EPAS1: variants seen among roughly 807,000 people sequenced by gnomAD.
The protein encoded by EPAS1 is endothelial PAS domain-containing protein 1.
A neutral mutation model predicts 87.9 loss-of-function variants in EPAS1; 23 were observed. That is an observed-to-expected ratio of 0.26 (90% CI 0.19 to 0.37). The LOEUF is 0.37. EPAS1 is among the 10% of genes least tolerant of loss of function. The pLI, the probability that EPAS1 is intolerant of heterozygous loss-of-function variation, is 1.00. For missense variants in EPAS1, 1,138 were observed against 1,120.7 expected (o/e 1.02, Z -0.22); for synonymous variants, 508 against 444.3 (o/e 1.14, Z -1.80).
rs1341586804 is a variant in EPAS1, at chr2:46,300,863, C to T, written c.26+2926C>T. 1.3e-5 allele frequency among the ~76,000 whole-genome samples: 2 copies of T among 152,182 alleles called. No individual in the cohort carries two copies. The highest frequency in any genetic ancestry group is 2.9e-5 in the Non-Finnish European group (2 of 68,050). ...ACACCTGGATCTCCAATCTCCCCCTCCTTCTGACAGCTGGACTTAGTTGTT... is the reference window on the plus strand; with the variant it reads ...ACACCTGGATCTCCAATCTCCCCCTTCTTCTGACAGCTGGACTTAGTTGTT... On this transcript the variant is annotated intron_variant, in intron 1 of 15. Coordinates refer to ENST00000263734, the MANE Select transcript of EPAS1 (RefSeq NM_001430.5). The surrounding 1 kb of genome is among the most constrained non-coding windows in gnomAD (Gnocchi z 4.1).
intron 1 of EPAS1, among the ~76,000 whole-genome samples, chr2:46,324,539 A>G (rs1683516288): frequency 6.6e-6 from 1 of 152,228 alleles, no homozygotes; most frequent in South Asian, 2.1e-4. Flanking sequence ...GACTGGTTTA[A>G]GGCCATCTCT....
At chr2:46,361,373 G>T (rs1684384475) in intron 6 of EPAS1, among the ~76,000 whole-genome samples, 1 of 152,150 alleles carries the variant, frequency 6.6e-6, no homozygotes, top group African/African-American at 2.4e-5. Context: ...CTCCATACGT[G>T]TATCAGGCTC....
At chr2:46,328,516 C>T (rs1683610053) in intron 1 of EPAS1, among the ~76,000 whole-genome samples, 1 of 152,198 alleles carries the variant, frequency 6.6e-6, no homozygotes, top group Non-Finnish European at 1.5e-5. Context: ...CAGTGATGGC[C>T]TGGTTTGATG....
intron 1 of EPAS1, among the ~76,000 whole-genome samples, chr2:46,332,291 C>CGTGTGTGTGTGTGTGT (rs57893491): frequency 1.8e-5 from 2 of 110,800 alleles, no homozygotes; most frequent in Non-Finnish European, 3.9e-5. Flanking sequence ...AAAAAAAATA[C>CGTGTGTGTGTGTGTGT]GTGTGTGTGT....
In EPAS1 at chr2:46,375,645, C is replaced by G; in HGVS notation, c.887-45C>G. 1 of 1,601,268 alleles carries G rather than the reference C, an allele frequency of 6.2e-7. No homozygotes were observed. The highest frequency in any genetic ancestry group is 8.5e-7 in the Non-Finnish European group (1 of 1,173,396). On this transcript the variant is annotated intron_variant, in intron 7 of 15. Coordinates refer to ENST00000263734, the MANE Select transcript of EPAS1 (RefSeq NM_001430.5). The surrounding 1 kb of genome is among the most constrained non-coding windows in gnomAD (Gnocchi z 4.1). Reference sequence around the variant, plus strand: ...GATCTGCTGAGCCTGTGGTGCACACCCCTGCCCCACCTCCCTAAGCTCAGC... The same window carrying G: ...GATCTGCTGAGCCTGTGGTGCACACGCCTGCCCCACCTCCCTAAGCTCAGC...
intron 2 of EPAS1, 37 bp from the exon 3 acceptor site, chr2:46,356,114 C>G: frequency 6.6e-7 from 1 of 1,516,724 alleles, no homozygotes; most frequent in Non-Finnish European, 9.1e-7. Context: ...TTTCACTCCA[C>G]ATTCATGCAA....
intron 7 of EPAS1, among the ~76,000 whole-genome samples, chr2:46,372,806 A>G (rs1684654035): frequency 6.6e-6 from 1 of 152,270 alleles, no homozygotes; most frequent in African/African-American, 2.4e-5. Flanking sequence ...AAAAAGAGTA[A>G]GAGCCCTGAA....
intron 1 of EPAS1, among the ~76,000 whole-genome samples, chr2:46,317,321 T>A (rs904691536): frequency 6.6e-6 from 1 of 152,228 alleles, no homozygotes; most frequent in Admixed American, 6.5e-5. Context: ...ATGGCAGCTA[T>A]AGCCTTACAA....
chr2:46,356,867 T>C, intron 4 of EPAS1, 59 bp downstream of exon 4: 1 of 1,241,020 alleles, frequency 8.1e-7, no homozygotes, highest in Non-Finnish European at 1.2e-6. Context: ...CTGCCTCCCC[T>C]TTGTCTACGG....
chr2:46,312,491 T>C (rs887371821), intron 1 of EPAS1, among the ~76,000 whole-genome samples: 2 of 151,852 alleles, frequency 1.3e-5, no homozygotes, highest in African/African-American at 4.9e-5. Flanking sequence ...AAAATCACTT[T>C]TGCAACTATT....
intron 1 of EPAS1, among the ~76,000 whole-genome samples, chr2:46,322,993 A>C (rs116088026): frequency 0.013 from 1,995 of 152,344 alleles, 50 homozygotes; most frequent in African/African-American, 0.045. Context: ...ATTACCAAGG[A>C]ATCAATCTAT....
chr2:46,341,526 C>T (rs1302578022), intron 1 of EPAS1, among the ~76,000 whole-genome samples: 6 of 152,338 alleles, frequency 3.9e-5, no homozygotes, highest in African/African-American at 1.2e-4. Context: ...TCATTATTTT[C>T]ATCTCCCTCT....
intron 2 of EPAS1, among the ~76,000 whole-genome samples, chr2:46,351,342 C>G (rs1203175390): frequency 3.9e-5 from 6 of 152,186 alleles, no homozygotes; most frequent in Admixed American, 3.3e-4. Flanking sequence ...TAGTAAGATA[C>G]ATGCAAAGAA....
intron 1 of EPAS1, among the ~76,000 whole-genome samples, chr2:46,329,041 A>T (rs1178907799): frequency 1.3e-5 from 2 of 152,230 alleles, no homozygotes; most frequent in African/African-American, 2.4e-5. Flanking sequence ...TCACCTTTGA[A>T]CTTGGCCAAG....
chr2:46,312,220 C>T (rs1233921737), intron 1 of EPAS1, among the ~76,000 whole-genome samples: 1 of 152,160 alleles, frequency 6.6e-6, no homozygotes, highest in African/African-American at 2.4e-5. Context: ...TCCCGAGTCA[C>T]CTTCTCTTTT....
intron 1 of EPAS1, among the ~76,000 whole-genome samples, chr2:46,341,720 A>G (rs1299747648): frequency 1.3e-5 from 2 of 152,212 alleles, no homozygotes; most frequent in Non-Finnish European, 2.9e-5. Flanking sequence ...CCATAGACAC[A>G]TGATCACAGG....
chr2:46,313,189 T>C lies in EPAS1; in HGVS notation c.26+15252T>C, dbSNP rs1443078085. 3.9e-5 allele frequency among the ~76,000 whole-genome samples: 6 copies of C among 152,220 alleles called. No individual in the cohort carries two copies. In the South Asian group the frequency reaches 8.3e-4, roughly 21 times the overall value. On this transcript the variant is annotated intron_variant, in intron 1 of 15. Coordinates refer to ENST00000263734, the MANE Select transcript of EPAS1 (RefSeq NM_001430.5). ...TTTGAGTGCAAACGCCTGGCTGTGC[T>C]ACATACTGACCATGAGATGTGACAG...
intron 1 of EPAS1, among the ~76,000 whole-genome samples, chr2:46,330,789 G>A (rs1458949500): frequency 2.6e-5 from 4 of 152,174 alleles, no homozygotes; most frequent in Non-Finnish European, 5.9e-5. Context: ...AGCCCCTGTT[G>A]GCAAGACCTG....
intron 1 of EPAS1, among the ~76,000 whole-genome samples, chr2:46,316,795 ACT>A (rs796290801): frequency 1.4e-4 from 22 of 152,146 alleles, no homozygotes; most frequent in African/African-American, 5.1e-4. Context: ...TTCAGGAAAG[ACT>A]CTGCAGCATG....
Sources: allele counts gnomAD v4.1 joint callset (sites outside exome capture counted in the v4.1 genomes callset), GRCh38; gene constraint gnomAD v4.1.1; non-coding constraint Gnocchi (gnomAD v3.1); transcripts MANE v1.5; gene names NCBI Gene and HGNC (gene_info 2026-07-23, HGNC 2026-07-21).